Variants in MAST2 observed in about 807,000 individuals in gnomAD.
MAST2 encodes the protein microtubule-associated serine/threonine-protein kinase 2.
Under a neutral mutation model 147.4 loss-of-function variants are expected in MAST2, and 70 were observed. The ratio of observed to expected loss-of-function variants is 0.47; its 90% CI spans 0.39 to 0.58. The LOEUF is 0.58. Among genes scored for constraint, MAST2 ranks in the 20% least tolerant of loss-of-function variants. The pLI, the probability that MAST2 is intolerant of heterozygous loss-of-function variation, is 0.00. For synonymous variants in MAST2, 869 were observed against 896.8 expected (o/e 0.97, Z 0.55); for missense variants, 2,080 against 2,302.3 (o/e 0.90, Z 1.98).
rs556586912 is a variant in MAST2 at position 45,889,656 on chromosome 1, A to G, written c.500+7261A>G. Among the ~76,000 whole-genome samples the G allele has an allele frequency of 3.9e-5, 6 of 152,112 alleles. No individual in the cohort carries two copies. The South Asian group carries it at 1.2e-3, about 32-fold the overall frequency. ...GAATCTCACTCTGTTGCCAGGCTGG[A>G]GTACAGTGACGCAATCTTGGCTCAC... On this transcript the variant is annotated intron_variant, in intron 4 of 28. Transcript: ENST00000361297.
chr1:45,844,885 A>G (rs752547432), intron 3 of MAST2, among the ~76,000 whole-genome samples: 1 of 152,206 alleles, frequency 6.6e-6, no homozygotes, highest in Non-Finnish European at 1.5e-5. Context: ...GGGGCTCAGA[A>G]GCCCAAGATC....
chr1:45,962,759 G>A (rs1363738248), intron 5 of MAST2, among the ~76,000 whole-genome samples: 1 of 152,170 alleles, frequency 6.6e-6, no homozygotes, highest in Non-Finnish European at 1.5e-5. Context: ...TTTCTGTGCA[G>A]AAGCTCTTTA....
At position 45,805,360 on chromosome 1, in the gene MAST2, A is replaced by C. The variant is rs1437320242; in HGVS notation, c.177+1288A>C. 3.3e-5 allele frequency among the ~76,000 whole-genome samples: 5 copies of C among 152,332 alleles called. No homozygotes were observed. The East Asian group carries it at 9.6e-4, about 29-fold the overall frequency. On this transcript the variant is annotated intron_variant, in intron 1 of 28. Coordinates refer to ENST00000361297, the MANE Select transcript of MAST2 (RefSeq NM_015112.3). ...TTAAAAATTATATACCATGCTAGGT[A>C]GCCCTTGGACTTTTCCCCCCTTTTG...
intron 3 of MAST2, among the ~76,000 whole-genome samples, chr1:45,863,100 C>T (rs528959680): frequency 6.6e-5 from 10 of 152,060 alleles, no homozygotes; most frequent in Admixed American, 6.5e-5. Flanking sequence ...ATAAATGGTT[C>T]TTGAATTAGT....
intron 5 of MAST2, among the ~76,000 whole-genome samples, chr1:45,976,014 G>T (rs1047986884): frequency 6.1e-4 from 90 of 148,038 alleles, no homozygotes; most frequent in African/African-American, 2.1e-3. Context: ...TCTCTCTGTT[G>T]CCCAGGCTGG....
In MAST2 at chr1:46,028,822, G is replaced by T; in HGVS notation, c.2107G>T (p.Gly703Trp). 1 of 1,614,196 alleles carries T rather than the reference G, an allele frequency of 6.2e-7. No individual in the cohort carries two copies. The highest frequency in any genetic ancestry group is 8.5e-7 in the Non-Finnish European group (1 of 1,180,034). Residue 703 changes from glycine to tryptophan, a missense_variant, in exon 18 of 29, where the codon GGG (glycine) becomes TGG (tryptophan). Coordinates refer to ENST00000361297, the MANE Select transcript of MAST2 (RefSeq NM_015112.3). ...TGAGGTGATCCTGCGCCAGGGCTAT[G>T]GGAAGCCAGTGGACTGGTGGGCCAT... is the stretch of plus-strand genomic sequence containing the variant. The part of the protein sequence containing the change: ...APEVILRQGY[G>W]KPVDWWAMGI...
intron 22 of MAST2, 72 bp from the exon 23 acceptor site, chr1:46,030,935 G>A: frequency 6.5e-7 from 1 of 1,546,408 alleles, no homozygotes; most frequent in Non-Finnish European, 8.8e-7. Context: ...TAACCCTTGT[G>A]TGCCCCTAAG....
intron 4 of MAST2, among the ~76,000 whole-genome samples, chr1:45,946,583 A>C (rs1658066434): frequency 6.6e-6 from 1 of 152,162 alleles, no homozygotes; most frequent in Admixed American, 6.5e-5. Context: ...TGTTGCAGGA[A>C]CATGTAGCAG....
At chr1:45,987,463 C>T (rs998862490) in intron 5 of MAST2, among the ~76,000 whole-genome samples, 4 of 152,012 alleles carry the variant, frequency 2.6e-5, no homozygotes, top group Non-Finnish European at 4.4e-5. Context: ...ACAGGCACAC[C>T]GCCATACCCA....
rs1645785186 is a variant in MAST2, at chr1:45,856,236, G to T, written c.469-26128G>T. ...ATGCTTTGGGAGGCTGAGGTGGGGG[G>T]ATTGCTTGAGGCCAGGAGTTCAAGA... On this transcript the variant is annotated intron_variant, in intron 3 of 28. Transcript: ENST00000361297. Among the ~76,000 whole-genome samples, 3 of 152,150 alleles carry T rather than the reference G, an allele frequency of 2.0e-5. No individual in the cohort carries two copies. The South Asian group carries it at 6.2e-4, about 32-fold the overall frequency.
intron 4 of MAST2, among the ~76,000 whole-genome samples, chr1:45,902,263 C>T (rs1413233273): frequency 6.6e-6 from 1 of 152,158 alleles, no homozygotes; most frequent in African/African-American, 2.4e-5. Flanking sequence ...GTTTTTTATT[C>T]TGTTTATGTG....
At chr1:45,905,013 G>A (rs1650440178) in intron 4 of MAST2, among the ~76,000 whole-genome samples, 1 of 151,304 alleles carries the variant, frequency 6.6e-6, no homozygotes, top group Non-Finnish European at 1.5e-5. Flanking sequence ...ATCTCCCTAT[G>A]TTGCTCATCT....
At chr1:45,917,984 G>A (rs555471486) in intron 4 of MAST2, among the ~76,000 whole-genome samples, 11 of 152,202 alleles carry the variant, frequency 7.2e-5, no homozygotes, top group South Asian at 2.1e-4. Flanking sequence ...ATTTGATTAC[G>A]TACTATCTGC....
chr1:45,848,477 A>G (rs998154044), intron 3 of MAST2, among the ~76,000 whole-genome samples: 4 of 152,220 alleles, frequency 2.6e-5, no homozygotes, highest in African/African-American at 7.2e-5. Flanking sequence ...CTGGTAGACA[A>G]CATTTCATGG....
Position 46,035,668 on chromosome 1 carries a change from A to T in MAST2, c.4999A>T (p.Arg1667Trp). 6.2e-7 allele frequency: 1 copy of T among 1,613,956 alleles called. No homozygotes were observed. Among genetic ancestry groups the T allele is most frequent in the Non-Finnish European group, 8.5e-7 (1 of 1,180,026 alleles). The change falls in exon 29 of 29, where the codon AGG becomes TGG. Residue 1667 changes from arginine to tryptophan, a missense_variant. Physicochemically the swap from Arg to Trp is moderately radical, Grantham distance 101 (BLOSUM62 -3). Coordinates refer to ENST00000361297, the MANE Select transcript of MAST2 (RefSeq NM_015112.3). This position sits in a 1 kb window ranked among gnomAD's most constrained non-coding sequence, Gnocchi z 5.5. ...GAAATCCCTTATTGAGGGCCCAGAC[A>T]GGGCATCCCCAAGCAGAAAGGCAAC... ...SWKSLIEGPD[R>W]ASPSRKATMA...
At chr1:45,956,748 A>G (rs566642371) in intron 4 of MAST2, among the ~76,000 whole-genome samples, 2 of 152,358 alleles carry the variant, frequency 1.3e-5, no homozygotes, top group South Asian at 4.1e-4. Context: ...GGCTTTTGGT[A>G]TGGTGGATAC....
At chr1:45,989,165 T>C (rs1644764448) in intron 5 of MAST2, among the ~76,000 whole-genome samples, 2 of 152,226 alleles carry the variant, frequency 1.3e-5, no homozygotes. Context: ...TTCTTCTTGA[T>C]GTCTCTGGCT....
chr1:45,870,546 T>C (rs1429837375), intron 3 of MAST2, among the ~76,000 whole-genome samples: 1 of 150,996 alleles, frequency 6.6e-6, no homozygotes, highest in African/African-American at 2.4e-5. Flanking sequence ...TTTTTGTTCT[T>C]TTAAACCTTT....
rs766118038 is a variant in MAST2 at position 45,829,600 on chromosome 1, G to A, written c.468+19G>A. The A allele has an allele frequency of 8.1e-6, 13 of 1,599,860 alleles. No homozygotes were observed. The highest frequency in any genetic ancestry group is 1.0e-5 in the Non-Finnish European group (12 of 1,171,964). On this transcript the variant is annotated intron_variant, in intron 3 of 28. Coordinates refer to ENST00000361297, the MANE Select transcript of MAST2 (RefSeq NM_015112.3). ...TGGCCTGGTAAGTGTTCATAAAGGTGGCATTTTGCTCTATGAAAAATCCAT... is the reference window on the plus strand; with the variant it reads ...TGGCCTGGTAAGTGTTCATAAAGGTAGCATTTTGCTCTATGAAAAATCCAT...
Sources: allele counts gnomAD v4.1 joint callset (sites outside exome capture counted in the v4.1 genomes callset), GRCh38; gene constraint gnomAD v4.1.1; non-coding constraint Gnocchi (gnomAD v3.1); transcripts MANE v1.5; gene names NCBI Gene and HGNC (gene_info 2026-07-23, HGNC 2026-07-21).